The following SAMD12 variants were observed in gnomAD, a reference collection of about 807,000 sequenced individuals.
SAMD12 encodes the protein sterile alpha motif domain containing 12, also known as sterile alpha motif domain-containing protein 12.
In SAMD12, 9 loss-of-function variants were observed where a neutral mutation model predicts 15.0. The ratio of observed to expected loss-of-function variants is 0.60; its 90% CI spans 0.36 to 1.05. SAMD12 has a LOEUF of 1.05. Ranked by LOEUF, SAMD12 falls within the 50% of genes least tolerant of loss-of-function variation. SAMD12 has a pLI of 0.01. For synonymous variants in SAMD12, 86 were observed against 90.1 expected (o/e 0.96, Z 0.25); for missense variants, 230 against 234.2 (o/e 0.98, Z 0.12).
At chr8:118,621,487 G>C (rs1455334283) in intron 1 of SAMD12, 2 of 423,836 alleles carry the variant, frequency 4.7e-6, no homozygotes, top group African/African-American at 4.0e-5. Flanking sequence ...AGGGCATCTC[G>C]GGGCCAAAAC....
chr8:118,428,583 T>C (rs953183796), intron 3 of SAMD12, among the ~76,000 whole-genome samples: 9 of 152,160 alleles, frequency 5.9e-5, no homozygotes, highest in Admixed American at 5.9e-4. Flanking sequence ...TTAGGTCCAT[T>C]ATTTATTTCA....
At chr8:118,296,437 T>G (rs1361935400) in intron 4 of SAMD12, among the ~76,000 whole-genome samples, 1 of 152,248 alleles carries the variant, frequency 6.6e-6, no homozygotes, top group African/African-American at 2.4e-5. Flanking sequence ...TCTTCTCTTA[T>G]GTGCTTAGCA....
At chr8:118,558,119 A>C (rs1367498527) in intron 2 of SAMD12, among the ~76,000 whole-genome samples, 1 of 152,208 alleles carries the variant, frequency 6.6e-6, no homozygotes, top group African/African-American at 2.4e-5. Flanking sequence ...TATAAAAAGT[A>C]TATCTACGCA....
chr8:118,233,693 T>G (rs1812362230), intron 4 of SAMD12, among the ~76,000 whole-genome samples: 1 of 152,178 alleles, frequency 6.6e-6, no homozygotes, highest in Admixed American at 6.5e-5. Context: ...GAAAAGAGGT[T>G]GTGAAGCCCC....
the SAMD12 span, among the ~76,000 whole-genome samples, chr8:118,172,588 A>G: frequency 2.6e-5 from 4 of 152,222 alleles, no homozygotes; most frequent in Non-Finnish European, 5.9e-5. Flanking sequence ...GGGTTTTTAA[A>G]ACAGTTTTAT....
intron 4 of SAMD12, among the ~76,000 whole-genome samples, chr8:118,302,078 GT>G (rs58076997): frequency 2.0e-3 from 147 of 74,682 alleles, no homozygotes; most frequent in Admixed American, 7.4e-3. Flanking sequence ...ATCTTTGAGA[GT>G]TTTTTTTTTT....
intron 4 of SAMD12, among the ~76,000 whole-genome samples, chr8:118,306,280 G>A (rs571251381): frequency 6.6e-6 from 1 of 152,258 alleles, no homozygotes; most frequent in Admixed American, 6.5e-5. Flanking sequence ...TAGAACCTGT[G>A]GTAGTGACTC....
At chr8:118,442,786 T>A (rs1371736684) in intron 2 of SAMD12, among the ~76,000 whole-genome samples, 2 of 152,158 alleles carry the variant, frequency 1.3e-5, no homozygotes, top group Admixed American at 6.6e-5. Context: ...GCTAATCACA[T>A]CTTTTGAAAA....
intron 1 of SAMD12, among the ~76,000 whole-genome samples, chr8:118,582,891 ATC>A (rs1485815195): frequency 1.8e-4 from 27 of 151,788 alleles, no homozygotes; most frequent in Non-Finnish European, 3.5e-4. Context: ...CGGTAGTTTC[ATC>A]AAGCACTGTG....
In SAMD12 at chr8:118,347,782, C is replaced by T. The variant is rs1490619110; in HGVS notation, c.433+31778G>A. Among the ~76,000 whole-genome samples, 4 of 152,198 alleles carry T rather than the reference C, an allele frequency of 2.6e-5. No homozygotes were observed. The East Asian group carries it at 7.7e-4, about 29-fold the overall frequency. On this transcript the variant is annotated intron_variant, in intron 4 of 4. Coordinates refer to the SAMD12 transcript ENST00000409003. ...TCAGTTTTCACCATCATCAAACACA[C>T]TAGTAATAATAACTAGCTCTTACAT... is the stretch of plus-strand genomic sequence containing the variant.
intron 4 of SAMD12, among the ~76,000 whole-genome samples, chr8:118,255,506 C>A (rs1343428299): frequency 2.1e-5 from 2 of 94,788 alleles, no homozygotes; most frequent in East Asian, 4.1e-4. Flanking sequence ...CCTCCCCCCT[C>A]CCCCCACCCC....
intron 3 of SAMD12, among the ~76,000 whole-genome samples, chr8:118,409,671 T>C (rs951778853): frequency 4.6e-5 from 7 of 152,202 alleles, no homozygotes; most frequent in African/African-American, 1.7e-4. Context: ...CCACACTCAC[T>C]GGCTCCTGAT....
At position 118,197,501 on chromosome 8, in the gene SAMD12, T is replaced by C. The variant is rs550543609; in HGVS notation, c.*209A>G. 1.9e-3 allele frequency: 1,158 copies of C among 614,270 alleles called. 24 individuals are homozygous for C. In the South Asian group the frequency reaches 0.022, roughly 12 times the overall value. The allele number at this position is 614,270 out of a possible 1,614,324, so 38.1% of individuals were successfully genotyped here. A position where few individuals can be genotyped will look rare whatever the true frequency, so the allele number is the denominator to read the frequency against. ...GACCACTTGGAATGAGTTGGCATTA[T>C]ATTATGCACCTCATTTTAAATCCAC... On this transcript the variant is annotated 3_prime_UTR_variant, in exon 5 of 5. Coordinates refer to the SAMD12 transcript ENST00000409003.
chr8:118,520,504 T>C (rs1825359335), intron 2 of SAMD12, among the ~76,000 whole-genome samples: 1 of 152,180 alleles, frequency 6.6e-6, no homozygotes, highest in African/African-American at 2.4e-5. Flanking sequence ...ACAATATAAA[T>C]GCTCAGTGGA....
At chr8:118,402,931 G>A (rs964229153) in intron 3 of SAMD12, among the ~76,000 whole-genome samples, 2 of 152,170 alleles carry the variant, frequency 1.3e-5, no homozygotes, top group African/African-American at 4.8e-5. Context: ...ACTAGTTGCT[G>A]CATGTTGCCC....
chr8:118,477,679 C>T (rs1463649491), intron 2 of SAMD12, among the ~76,000 whole-genome samples: 3 of 151,912 alleles, frequency 2.0e-5, no homozygotes, highest in African/African-American at 4.8e-5. Flanking sequence ...GGACTTATTC[C>T]CACGTGGATT....
chr8:118,374,604 T>C (rs1819282968), downstream of SAMD12, among the ~76,000 whole-genome samples: 1 of 152,126 alleles, frequency 6.6e-6, no homozygotes, highest in Admixed American at 6.6e-5. Flanking sequence ...ACTAACAGTA[T>C]ACAGGGGATC....
intron 2 of SAMD12, among the ~76,000 whole-genome samples, chr8:118,551,200 C>T (rs1826321920): frequency 1.3e-5 from 2 of 152,292 alleles, no homozygotes; most frequent in Non-Finnish European, 2.9e-5. Context: ...CAGAACTCTC[C>T]ACCCCAAATC....
At chr8:118,441,996 A>G (rs1257548714) in intron 2 of SAMD12, among the ~76,000 whole-genome samples, 2 of 152,150 alleles carry the variant, frequency 1.3e-5, no homozygotes, top group African/African-American at 4.8e-5. Context: ...CAAGCCTCAG[A>G]TGATTCCAGC....
Sources: gnomAD v4.1 joint callset for allele counts (sites outside exome capture counted in the v4.1 genomes callset) on GRCh38, gnomAD v4.1.1 for gene constraint, MANE v1.5 for transcripts, NCBI Gene and HGNC (gene_info 2026-07-23, HGNC 2026-07-21) for gene names.